Variants in RCOR1 observed in about 807,000 individuals in gnomAD.
The protein encoded by RCOR1 is REST corepressor.
RCOR1 carries 12 observed loss-of-function variants against 64.0 expected under a neutral mutation model. The observed-to-expected ratio is 0.19, with a 90% CI of 0.12 to 0.30. RCOR1 has a LOEUF of 0.30. RCOR1 is among the 10% of genes least tolerant of loss of function. The probability of loss-of-function intolerance (pLI) is 1.00; values close to 1 mark genes in which losing one functional copy is unlikely to be tolerated. For missense variants in RCOR1, 502 were observed against 621.2 expected (o/e 0.81, Z 2.04); for synonymous variants, 279 against 227.2 (o/e 1.23, Z -2.05).
In RCOR1 at chr14:102,703,623, G is replaced by A. The variant is rs192118741; in HGVS notation, c.498+2293G>A. Among the ~76,000 whole-genome samples the A allele has an allele frequency of 5.5e-3, 845 of 152,322 alleles. 3 individuals carry two copies. Among genetic ancestry groups the A allele is most frequent in the Non-Finnish European group, 7.7e-3 (527 of 68,026 alleles). Reference sequence around the variant, plus strand: ...CTGAGAAAATTCTTTCAAAAGTAAAGGGGAGAAATGAAGATATTGTCAGTT... The same window carrying A: ...CTGAGAAAATTCTTTCAAAAGTAAAAGGGAGAAATGAAGATATTGTCAGTT... On this transcript the variant is annotated intron_variant, in intron 4 of 11. Transcript: ENST00000262241.
At chr14:102,684,146 C>A (rs903020411) in intron 3 of RCOR1, among the ~76,000 whole-genome samples, 1 of 152,196 alleles carries the variant, frequency 6.6e-6, no homozygotes. Context: ...AGCACCCCTG[C>A]CCCCAACCCG....
chr14:102,639,058 TG>T (rs1455977278), intron 2 of RCOR1, among the ~76,000 whole-genome samples: 2 of 152,212 alleles, frequency 1.3e-5, no homozygotes, highest in Non-Finnish European at 2.9e-5. Context: ...ACTGTATCCA[TG>T]GGAACATAAG....
At chr14:102,692,773 T>TC (rs1358963597) in intron 3 of RCOR1, among the ~76,000 whole-genome samples, 4 of 143,594 alleles carry the variant, frequency 2.8e-5, no homozygotes, top group Non-Finnish European at 6.0e-5. Flanking sequence ...TTTTTCTTTT[T>TC]TTTTTTTTTT....
intron 2 of RCOR1, chr14:102,655,110 CTTTT>C (rs67404203): frequency 0.012 from 1,229 of 104,470 alleles, 7 homozygotes; most frequent in Middle Eastern, 0.021. Flanking sequence ...CGCGGACAAC[CTTTT>C]TTTTTTTTTT....
At chr14:102,606,901 T>C (rs1425188275) in intron 2 of RCOR1, among the ~76,000 whole-genome samples, 5 of 150,878 alleles carry the variant, frequency 3.3e-5, no homozygotes, top group Non-Finnish European at 7.4e-5. Context: ...GGCTTTTGTT[T>C]TTGTTTTTTT....
chr14:102,616,008 T>C (rs1179491820), intron 2 of RCOR1, among the ~76,000 whole-genome samples: 1 of 152,174 alleles, frequency 6.6e-6, no homozygotes, highest in Non-Finnish European at 1.5e-5. Context: ...TGGTGACACA[T>C]CACACAGGTT....
intron 2 of RCOR1, among the ~76,000 whole-genome samples, chr14:102,645,619 G>A (rs962808599): frequency 6.6e-6 from 1 of 152,212 alleles, no homozygotes; most frequent in Admixed American, 6.5e-5. Flanking sequence ...AAAGCCAGTA[G>A]CACAGTTCTG....
At chr14:102,707,204 G>A in intron 4 of RCOR1, 147 bp from the exon 5 acceptor site, 1 of 549,980 alleles carries the variant, frequency 1.8e-6, no homozygotes. Flanking sequence ...ATAGAAAAAG[G>A]GGCCTCTGAC....
chr14:102,695,835 C>T (rs916020620), intron 3 of RCOR1, among the ~76,000 whole-genome samples: 1 of 151,804 alleles, frequency 6.6e-6, no homozygotes, highest in Non-Finnish European at 1.5e-5. Context: ...AGGTGTGAGC[C>T]ACTGCGCCCA....
intron 8 of RCOR1, among the ~76,000 whole-genome samples, chr14:102,716,412 T>C (rs1453421248): frequency 1.3e-5 from 2 of 152,202 alleles, no homozygotes; most frequent in African/African-American, 2.4e-5. Flanking sequence ...TCTTCTGAGG[T>C]TAGTGTTTTT....
intron 6 of RCOR1, 100 bp downstream of exon 6, chr14:102,708,683 CT>C: frequency 1.5e-6 from 1 of 680,204 alleles, no homozygotes; most frequent in Non-Finnish European, 2.6e-6. Flanking sequence ...CCCTCCGCGC[CT>C]TCCTGGTGGA....
At chr14:102,637,529 C>T (rs1595206851) in intron 2 of RCOR1, among the ~76,000 whole-genome samples, 1 of 152,272 alleles carries the variant, frequency 6.6e-6, no homozygotes, top group Middle Eastern at 3.4e-3. Flanking sequence ...TGGCCCACCG[C>T]AGCCTTGGCC....
At chr14:102,681,697 A>G (rs1251637037) in intron 2 of RCOR1, among the ~76,000 whole-genome samples, 198 bp from the exon 3 acceptor site, 2 of 152,260 alleles carry the variant, frequency 1.3e-5, no homozygotes, top group Non-Finnish European at 2.9e-5. Flanking sequence ...CAGTAAAAGT[A>G]GGAAAGGACT....
Position 102,705,443 on chromosome 14 carries a change from C to T in RCOR1, c.499-1908C>T, listed in dbSNP as rs540461862. On this transcript the variant is annotated intron_variant, in intron 4 of 11. Transcript: ENST00000262241. Reference sequence around the variant, plus strand: ...ACTTAAAATAAATAAAAGCTTGTGTCTTTTTGTTTGTTTTGTTTTGAGACA... The same window carrying T: ...ACTTAAAATAAATAAAAGCTTGTGTTTTTTTGTTTGTTTTGTTTTGAGACA... Among the ~76,000 whole-genome samples the T allele has an allele frequency of 3.9e-5, 6 of 152,180 alleles. No homozygotes were observed. The South Asian group carries it at 1.0e-3, about 26-fold the overall frequency.
At chr14:102,713,525 G>A (rs1375184873) in intron 7 of RCOR1, among the ~76,000 whole-genome samples, 6 of 150,966 alleles carry the variant, frequency 4.0e-5, no homozygotes, top group East Asian at 2.0e-4. Flanking sequence ...TTCGTGATCC[G>A]CCCGCCTCAG....
intron 3 of RCOR1, among the ~76,000 whole-genome samples, chr14:102,684,782 T>C (rs1025552209): frequency 6.6e-6 from 1 of 152,234 alleles, no homozygotes; most frequent in Non-Finnish European, 1.5e-5. Context: ...TGTGTATGTG[T>C]GTATTGTCTT....
intron 2 of RCOR1, chr14:102,659,127 T>C (rs1894781989): frequency 1.0e-6 from 1 of 985,370 alleles, no homozygotes; most frequent in South Asian, 4.7e-5. Flanking sequence ...TGCCCGTTAT[T>C]CTACCGACTT....
intron 2 of RCOR1, among the ~76,000 whole-genome samples, chr14:102,595,844 G>T (rs889416777): frequency 2.0e-5 from 3 of 152,118 alleles, no homozygotes; most frequent in African/African-American, 4.8e-5. Context: ...CTCTCATAGT[G>T]CTGGGATTAC....
rs552184680 is a variant in RCOR1, at chr14:102,667,357, C to T, written c.362-14538C>T. 1.4e-4 allele frequency among the ~76,000 whole-genome samples: 21 copies of T among 151,852 alleles called. No homozygotes were observed. In the South Asian group the frequency reaches 1.7e-3, roughly 12 times the overall value. On this transcript the variant is annotated intron_variant, in intron 2 of 11. Transcript: ENST00000262241. Reference sequence around the variant, plus strand: ...CTCTACTAAAAATATGAAAACTAGCCGGGCGTGGTGGTGGGTGCCTGTAAT... The same window carrying T: ...CTCTACTAAAAATATGAAAACTAGCTGGGCGTGGTGGTGGGTGCCTGTAAT...
Sources: gnomAD v4.1 joint callset for allele counts (sites outside exome capture counted in the v4.1 genomes callset) on GRCh38, gnomAD v4.1.1 for gene constraint, MANE v1.5 for transcripts, NCBI Gene and HGNC (gene_info 2026-07-23, HGNC 2026-07-21) for gene names.